The following PRKCD variants were observed in gnomAD, a reference collection of about 807,000 sequenced individuals.
PRKCD encodes protein kinase C delta, also known as protein kinase C delta type.
PRKCD carries 20 observed loss-of-function variants against 82.2 expected under a neutral mutation model. That is an observed-to-expected ratio of 0.24 (90% CI 0.17 to 0.35). PRKCD has a LOEUF of 0.35. Among genes scored for constraint, PRKCD ranks in the 10% least tolerant of loss-of-function variants. PRKCD has a pLI of 1.00. For synonymous variants in PRKCD, 317 were observed against 337.0 expected, an observed-to-expected ratio of 0.94 and a Z score of 0.65; for missense variants, 607 against 899.0, an observed-to-expected ratio of 0.68 and a Z score of 4.15.
In PRKCD at chr3:53,192,679, G is replaced by A. The variant is rs1461356665; in HGVS notation, c.*413G>A. 2 of 149,788 alleles carry A rather than the reference G, an allele frequency of 1.3e-5. No homozygotes were observed. The highest frequency in any genetic ancestry group is 3.0e-5 in the Non-Finnish European group (2 of 67,712). The allele number at this position is 149,788 out of a possible 1,614,324, so 9.3% of individuals were successfully genotyped here. On this transcript the variant is annotated 3_prime_UTR_variant, in exon 19 of 19. Coordinates refer to ENST00000330452, the MANE Select transcript of PRKCD (RefSeq NM_006254.4). ...GAGCACAAGCTGTTTGAACCACCAG[G>A]TTTATTTGTGTGTCTAAATAAACAC...
At chr3:53,179,810 G>A in intron 4 of PRKCD, 34 bp downstream of exon 4, 1 of 1,549,682 alleles carries the variant, frequency 6.5e-7, no homozygotes, top group Non-Finnish European at 8.7e-7. Flanking sequence ...GTGTGTGTGT[G>A]TGTGTGTGTC....
chr3:53,183,631 G>A (rs1553668299), intron 9 of PRKCD, 50 bp downstream of exon 9: 4 of 1,603,640 alleles, frequency 2.5e-6, no homozygotes, highest in African/African-American at 1.3e-5. Context: ...CCCAGCTGGT[G>A]CTGCTGTGAA....
chr3:53,179,814 G>GTGTA (rs2107257967), intron 4 of PRKCD, 38 bp downstream of exon 4: 1 of 1,548,536 alleles, frequency 6.5e-7, no homozygotes, highest in South Asian at 1.2e-5. Context: ...GTGTGTGTGT[G>GTGTA]TGTGTCTGTG....
chr3:53,168,937 A>G (rs1553664352), intron 2 of PRKCD, among the ~76,000 whole-genome samples: 1 of 151,734 alleles, frequency 6.6e-6, no homozygotes, highest in Non-Finnish European at 1.5e-5. Flanking sequence ...GCAGGGGGTG[A>G]CAAAATCTGT....
chr3:53,189,184 C>A lies in PRKCD; in HGVS notation c.1681C>A (p.Arg561Ser), dbSNP rs782131199. 5.0e-6 allele frequency: 8 copies of A among 1,611,406 alleles called. No individual in the cohort carries two copies. The highest frequency in any genetic ancestry group is 1.6e-4 in the Middle Eastern group (1 of 6,076). The change falls in exon 17 of 19, where the codon CGT (arginine) becomes AGT (serine). Residue 561 changes from arginine (R) to serine (S), a missense_variant. By Grantham distance (110) the Arg-to-Ser change is moderately radical. Transcript: ENST00000330452. ...TGAGGATGAACTCTTCGAGTCCATC[C>A]GTGTGGACACGCCACATTATCCCCG... ...DDEDELFESIRVDTPHYPRWI... is the reference protein window; with the variant it reads ...DDEDELFESISVDTPHYPRWI...
At chr3:53,185,110 C>A in intron 10 of PRKCD, 136 bp downstream of exon 10, 1 of 751,334 alleles carries the variant, frequency 1.3e-6, no homozygotes. Context: ...AGATGCAACT[C>A]AAGAATTTAG....
At chr3:53,184,465 G>T (rs7639382) in intron 9 of PRKCD, among the ~76,000 whole-genome samples, 5 of 151,746 alleles carry the variant, frequency 3.3e-5, no homozygotes, top group African/African-American at 4.9e-5. Flanking sequence ...CACCTGAGGT[G>T]GGGAGTTCGA....
At chr3:53,163,192 G>T (rs1289215722) in intron 1 of PRKCD, among the ~76,000 whole-genome samples, 1 of 152,090 alleles carries the variant, frequency 6.6e-6, no homozygotes, top group Non-Finnish European at 1.5e-5. Context: ...AAGCCTGGGA[G>T]TGTGTGGCCA....
Position 53,186,258 on chromosome 3 carries a change from G to C in PRKCD, c.1178G>C (p.Cys393Ser). ...GTCCTGATCGACGACGACGTGGAGTGCACCATGGTTGAGAAGCGGGTGCTG... is the reference window on the plus strand; with the variant it reads ...GTCCTGATCGACGACGACGTGGAGTCCACCATGGTTGAGAAGCGGGTGCTG... ...DVVLIDDDVE[C>S]TMVEKRVLTL... Residue 393 changes from cysteine (C) to serine (S), a missense_variant, in exon 13 of 19, where the codon TGC (cysteine) becomes TCC (serine). Physicochemically the swap from Cys to Ser is moderately radical, Grantham distance 112. This residue lies in a region of PRKCD where 251 missense variants were observed against 423.9 expected (regional missense o/e 0.59). Transcript: ENST00000330452. 1 of 1,614,166 alleles carries C rather than the reference G, an allele frequency of 6.2e-7. No individual in the cohort carries two copies. Among genetic ancestry groups the C allele is most frequent in the East Asian group, 2.2e-5 (1 of 44,878 alleles).
chr3:53,170,291 T>A (rs540806282), intron 2 of PRKCD, among the ~76,000 whole-genome samples: 1 of 152,238 alleles, frequency 6.6e-6, no homozygotes, highest in Non-Finnish European at 1.5e-5. Context: ...CTCTCCCCAC[T>A]TCCCCCTGGG....
chr3:53,189,300 G>A, intron 17 of PRKCD, 54 bp downstream of exon 17: 1 of 1,520,012 alleles, frequency 6.6e-7, no homozygotes, highest in Non-Finnish European at 8.8e-7. Context: ...GGCAGGGGCT[G>A]GCAGACACTG....
At position 53,167,262 on chromosome 3, in the gene PRKCD, C is replaced by T. The variant is rs150213912; in HGVS notation, c.-20+2047C>T. Among the ~76,000 whole-genome samples, 447 of 152,300 alleles carry T rather than the reference C, an allele frequency of 2.9e-3. 4 individuals are homozygous for T. Among genetic ancestry groups the T allele is most frequent in the African/African-American group, 0.01 (428 of 41,550 alleles). On this transcript the variant is annotated intron_variant, in intron 2 of 18. Coordinates refer to ENST00000330452, the MANE Select transcript of PRKCD (RefSeq NM_006254.4). ...GCCCAGGGGAGCAGCGTCTGGCCAC[C>T]GGGTTAGGCTGACTGACCAGGCTTT... is the stretch of plus-strand genomic sequence containing the variant.
chr3:53,164,266 C>G (rs896039058), intron 1 of PRKCD, among the ~76,000 whole-genome samples: 4 of 152,310 alleles, frequency 2.6e-5, no homozygotes, highest in Admixed American at 1.3e-4. Flanking sequence ...ATCACCTGAA[C>G]TGTAAGGCAC....
intron 2 of PRKCD, among the ~76,000 whole-genome samples, chr3:53,171,430 T>C (rs1703026523): frequency 6.6e-6 from 1 of 152,224 alleles, no homozygotes; most frequent in Admixed American, 6.5e-5. Flanking sequence ...ATGCTCCTGC[T>C]GACCCCTCAG....
chr3:53,192,529 A>C lies in PRKCD; in HGVS notation c.*263A>C. 1 of 247,710 alleles carries C rather than the reference A, an allele frequency of 4.0e-6. No individual in the cohort carries two copies. The highest frequency in any genetic ancestry group is 7.8e-6 in the Non-Finnish European group (1 of 127,670). 15.3% of individuals were successfully genotyped at this position (247,710 alleles called of 1,614,324 possible). On this transcript the variant is annotated 3_prime_UTR_variant, in exon 19 of 19. Coordinates refer to ENST00000330452, the MANE Select transcript of PRKCD (RefSeq NM_006254.4). ...GTTATCTATTGAAAATATATATTATATACATAGACATATATATATATATAA... is the reference window on the plus strand; with the variant it reads ...GTTATCTATTGAAAATATATATTATCTACATAGACATATATATATATATAA...
intron 17 of PRKCD, among the ~76,000 whole-genome samples, chr3:53,189,555 T>G (rs566278544): frequency 6.6e-6 from 1 of 152,266 alleles, no homozygotes; most frequent in South Asian, 2.1e-4. Context: ...ATCTGTAAAA[T>G]GGGGCTATGA....
intron 9 of PRKCD, among the ~76,000 whole-genome samples, chr3:53,183,957 G>A (rs1553668369): frequency 8.9e-6 from 1 of 112,330 alleles, no homozygotes; most frequent in South Asian, 3.4e-4. Context: ...ACCCTGGAGG[G>A]AAAGCGGCTT....
chr3:53,184,686 A>G (rs2107272725), intron 9 of PRKCD, among the ~76,000 whole-genome samples, 188 bp from the exon 10 acceptor site: 1 of 151,302 alleles, frequency 6.6e-6, no homozygotes, highest in East Asian at 1.9e-4. Flanking sequence ...AAAAAAAAAA[A>G]AAAAAGAGAG....
intron 1 of PRKCD, among the ~76,000 whole-genome samples, chr3:53,163,780 C>T (rs925124204): frequency 8.5e-5 from 13 of 152,134 alleles, no homozygotes; most frequent in African/African-American, 3.1e-4. Context: ...GTTGCCCCTT[C>T]CCATCTCCTT....
Sources: gnomAD v4.1 joint callset for allele counts (sites outside exome capture counted in the v4.1 genomes callset) on GRCh38, gnomAD v4.1.1 for gene constraint, gnomAD v4.1.1 regional missense constraint, MANE v1.5 for transcripts, NCBI Gene and HGNC (gene_info 2026-07-23, HGNC 2026-07-21) for gene names.